Variants in NUP98 observed in about 807,000 individuals in gnomAD.
The protein encoded by NUP98 is nuclear pore complex protein Nup98-Nup96.
A neutral mutation model predicts 191.9 loss-of-function variants in NUP98; 26 were observed. The observed-to-expected ratio is 0.14, with a 90% confidence interval of 0.10 to 0.19. The LOEUF (loss-of-function observed/expected upper bound fraction) is 0.19, where lower values mean the gene tolerates loss of function less well. Among genes scored for constraint, NUP98 ranks in the 10% least tolerant of loss-of-function variants. The probability of loss-of-function intolerance (pLI) is 1.00; values close to 1 mark genes in which losing one functional copy is unlikely to be tolerated. For missense variants in NUP98, 1,941 were observed against 2,178.8 expected (o/e 0.89, Z 2.17); for synonymous variants, 808 against 778.4 (o/e 1.04, Z -0.63).
Position 3,712,675 on chromosome 11 carries a change from C to T in NUP98, c.2631G>A (p.Glu877=), listed in dbSNP as rs146002237. 2.6e-5 allele frequency: 42 copies of T among 1,613,078 alleles called. No homozygotes were observed. The African/African-American group carries it at 4.8e-4, about 18-fold the overall frequency. ...TCTTTGTACTAGTTTTAGACGGATG[C>T]TCCTCCTCCTCTTCATCAGAATCCT... ...GLQDSDEEEE[E]HPSKTSTKKL... is the part of the protein sequence containing the mutation. The change falls in exon 20 of 33, where the codon GAG becomes GAA. Residue 877 remains glutamate (E), a synonymous_variant. Coordinates refer to ENST00000324932, the MANE Select transcript of NUP98 (RefSeq NM_016320.5).
intron 10 of NUP98, among the ~76,000 whole-genome samples, chr11:3,755,333 G>A (rs2080922335): frequency 1.3e-5 from 2 of 151,570 alleles, no homozygotes; most frequent in South Asian, 4.2e-4. Flanking sequence ...CTGTGGTGGT[G>A]CACGCTTGGA....
At chr11:3,797,129 C>G (rs926193477) in intron 1 of NUP98, among the ~76,000 whole-genome samples, 8 of 152,236 alleles carry the variant, frequency 5.3e-5, no homozygotes, top group Non-Finnish European at 8.8e-5. Flanking sequence ...TGAGTACAAC[C>G]AGACAGACAC....
In NUP98 at chr11:3,695,506, T is replaced by G. The variant is rs1359316951; in HGVS notation, c.4110A>C (p.Ala1370=). 9 of 1,610,494 alleles carry G rather than the reference T, an allele frequency of 5.6e-6. No homozygotes were observed. The highest frequency in any genetic ancestry group is 7.6e-6 in the Non-Finnish European group (9 of 1,178,308). The change falls in exon 26 of 33, where the codon GCA becomes GCC. Residue 1370 remains alanine (A), a synonymous_variant. Transcript: ENST00000324932. ...MQLVDWHQLQ[A]DSFIQDERLR... ...GTCTCTCATCCTGGATGAAGGAGTC[T>G]GCTTGGAGCTGATGCCAGTCCACCA...
At chr11:3,748,897 T>C (rs2080615188) in intron 11 of NUP98, among the ~76,000 whole-genome samples, 1 of 151,758 alleles carries the variant, frequency 6.6e-6, no homozygotes, top group Non-Finnish European at 1.5e-5. Flanking sequence ...GTTGGATAAG[T>C]TGAAAAGCTC....
chr11:3,746,913 CAA>C (rs200628434), intron 11 of NUP98, among the ~76,000 whole-genome samples: 23 of 90,864 alleles, frequency 2.5e-4, no homozygotes, highest in Admixed American at 2.5e-4. Context: ...AACGCAGTCT[CAA>C]AAAAAAAAAA....
At chr11:3,705,699 A>T (rs951211593) in intron 21 of NUP98, among the ~76,000 whole-genome samples, 6 of 152,354 alleles carry the variant, frequency 3.9e-5, no homozygotes, top group Middle Eastern at 6.8e-3. Flanking sequence ...GACATAGCTT[A>T]AAGAAACCTG....
intron 8 of NUP98, among the ~76,000 whole-genome samples, chr11:3,767,632 T>C (rs1206536795): frequency 7.9e-5 from 12 of 152,140 alleles, no homozygotes. Context: ...ATACTTGTTT[T>C]TTAATCAGTA....
intron 29 of NUP98, among the ~76,000 whole-genome samples, chr11:3,684,034 C>G (rs1472846329): frequency 2.7e-5 from 4 of 148,892 alleles, no homozygotes; most frequent in Non-Finnish European, 5.9e-5. Context: ...ATGGTGAAAC[C>G]CCGTCTCTGC....
intron 18 of NUP98, 42 bp from the exon 19 acceptor site, chr11:3,714,037 G>A (rs915202410): frequency 1.4e-5 from 23 of 1,592,358 alleles, no homozygotes; most frequent in Non-Finnish European, 1.9e-5. Context: ...TAAAGTAAAA[G>A]CGCTTCATAT....
intron 18 of NUP98, among the ~76,000 whole-genome samples, chr11:3,715,640 G>C (rs1331183343): frequency 6.6e-6 from 1 of 152,144 alleles, no homozygotes; most frequent in Non-Finnish European, 1.5e-5. Context: ...TCAGGCAGGA[G>C]AGAAGTGGCA....
chr11:3,690,031 A>G (rs1291547774), intron 28 of NUP98, among the ~76,000 whole-genome samples: 1 of 145,758 alleles, frequency 6.9e-6, no homozygotes, highest in Non-Finnish European at 1.5e-5. Context: ...GGCTCACTGC[A>G]ACCTCCAACT....
intron 12 of NUP98, among the ~76,000 whole-genome samples, chr11:3,738,350 C>T (rs2080151850): frequency 6.6e-6 from 1 of 151,854 alleles, no homozygotes; most frequent in Non-Finnish European, 1.5e-5. Flanking sequence ...AAAGAAATTT[C>T]AAAATAAAAG....
intron 14 of NUP98, among the ~76,000 whole-genome samples, chr11:3,727,737 A>G (rs1230196805): frequency 6.6e-6 from 1 of 152,096 alleles, no homozygotes; most frequent in East Asian, 1.9e-4. Flanking sequence ...AATTTTTTAA[A>G]TATCAGCCAG....
In NUP98 at chr11:3,775,954, G is replaced by A. The variant is rs753981499; in HGVS notation, c.423C>T (p.Gly141=). 14 of 1,613,058 alleles carry A rather than the reference G, an allele frequency of 8.7e-6. No homozygotes were observed. The highest frequency in any genetic ancestry group is 1.0e-5 in the Non-Finnish European group (12 of 1,179,048). The part of the protein sequence containing the change: ...GTTNTTSNPF[G]STSGSLFGPS... ...GCCCAAAGAGGGAGCCAGATGTGCT[G>A]CCAAAAGGATTAGAGGTGGTATTTG... The change falls in exon 5 of 33, where the codon GGC becomes GGT. Residue 141 remains glycine, a synonymous_variant. Coordinates refer to ENST00000324932, the MANE Select transcript of NUP98 (RefSeq NM_016320.5).
intron 18 of NUP98, among the ~76,000 whole-genome samples, chr11:3,716,537 C>A (rs1432021840): frequency 6.6e-6 from 1 of 151,538 alleles, no homozygotes. Flanking sequence ...GGCAAAACCT[C>A]ATCTCTACAA....
intron 25 of NUP98, among the ~76,000 whole-genome samples, chr11:3,698,725 CAAAAA>C (rs549214359): frequency 8.4e-5 from 3 of 35,768 alleles, no homozygotes; most frequent in African/African-American, 2.4e-4. Flanking sequence ...GAAACTGTCT[CAAAAA>C]AAAAAAAAAA....
At chr11:3,679,382 G>A (rs984187662) in intron 31 of NUP98, 172 bp downstream of exon 31, 8 of 797,776 alleles carry the variant, frequency 1.0e-5, no homozygotes, top group Admixed American at 5.4e-5. Context: ...TTTAAGTTTC[G>A]ATATAGCTGT....
At position 3,705,027 on chromosome 11, in the gene NUP98, T is replaced by C. The variant is rs180974086; in HGVS notation, c.3082+173A>G. Among the ~76,000 whole-genome samples, 8 of 152,300 alleles carry C rather than the reference T, an allele frequency of 5.3e-5. No individual in the cohort carries two copies. The East Asian group carries it at 1.3e-3, about 26-fold the overall frequency. ...TGTCTCTAAAAACAAAAAACCTGGC[T>C]ACTCTTAATGAATACTTATAAGTAC... On this transcript the variant is annotated intron_variant, in intron 22 of 32. Transcript: ENST00000324932.
At chr11:3,732,283 T>C (rs920914149) in intron 13 of NUP98, among the ~76,000 whole-genome samples, 1 of 152,154 alleles carries the variant, frequency 6.6e-6, no homozygotes, top group Non-Finnish European at 1.5e-5. Context: ...TGAAAAAAGT[T>C]CTGTAAATTA....
Sources: allele counts gnomAD v4.1 joint callset (sites outside exome capture counted in the v4.1 genomes callset), GRCh38; gene constraint gnomAD v4.1.1; transcripts MANE v1.5; gene names NCBI Gene and HGNC (gene_info 2026-07-23, HGNC 2026-07-21).